EFCAB6: variants seen among roughly 807,000 people sequenced by gnomAD.
The protein encoded by EFCAB6 is EF-hand calcium-binding domain-containing protein 6.
Under a neutral mutation model 169.8 loss-of-function variants are expected in EFCAB6, and 156 were observed. The ratio of observed to expected loss-of-function variants is 0.92; its 90% CI spans 0.81 to 1.05. EFCAB6 has a LOEUF of 1.05. Among genes scored for constraint, EFCAB6 ranks in the 50% least tolerant of loss-of-function variants. The pLI is 0.00. For synonymous variants in EFCAB6, 698 were observed against 676.4 expected (o/e 1.03, Z -0.50); for missense variants, 1,800 against 1,829.1 (o/e 0.98, Z 0.29).
chr22:43,746,113 T>A (rs2060552547), intron 6 of EFCAB6, among the ~76,000 whole-genome samples: 1 of 152,058 alleles, frequency 6.6e-6, no homozygotes, highest in African/African-American at 2.4e-5. Flanking sequence ...AAACTTCCAA[T>A]CCGGGGACAA....
intron 16 of EFCAB6, 78 bp downstream of exon 16, chr22:43,668,794 T>A: frequency 7.8e-7 from 1 of 1,278,806 alleles, no homozygotes; most frequent in South Asian, 2.5e-5. Context: ...AATACTCAGT[T>A]GACAAATAGT....
intron 2 of EFCAB6, among the ~76,000 whole-genome samples, chr22:43,804,966 A>G (rs2062864833): frequency 6.6e-6 from 1 of 152,194 alleles, no homozygotes; most frequent in Admixed American, 6.5e-5. Context: ...TTATATTTAG[A>G]AAAAAACCAA....
Position 43,590,119 on chromosome 22 carries a change from C to T in EFCAB6, c.2987G>A (p.Cys996Tyr). ...CTCCCCTTCGGTAAGAGAACATCCACATTCTTCCAGCACTTCCTGCATCTT... is the reference window on the plus strand; with the variant it reads ...CTCCCCTTCGGTAAGAGAACATCCATATTCTTCCAGCACTTCCTGCATCTT... Reference protein sequence around the residue: ...ICKMQEVLEECGCSLTEGELT... With the variant: ...ICKMQEVLEEYGCSLTEGELT... Residue 996 changes from cysteine to tyrosine, a missense_variant, in exon 24 of 32, where the codon TGT (cysteine) becomes TAT (tyrosine). Coordinates refer to ENST00000262726, the MANE Select transcript of EFCAB6 (RefSeq NM_022785.4). 1 of 1,614,184 alleles carries T rather than the reference C, an allele frequency of 6.2e-7. No individual in the cohort carries two copies. The highest frequency in any genetic ancestry group is 1.1e-5 in the South Asian group (1 of 91,070).
rs139182657 is a variant in EFCAB6 at position 43,772,965 on chromosome 22, C to T, written c.278G>A (p.Ser93Asn). ...DTGQNLTVSK[S>N]ELRRIITDFL... ...GTCTGTGATGATTCTTCTCAGTTCACTTTTTGACACAGTCAAGTTCTGACC... is the reference window on the plus strand; with the variant it reads ...GTCTGTGATGATTCTTCTCAGTTCATTTTTTGACACAGTCAAGTTCTGACC... Residue 93 changes from serine to asparagine, a missense_variant, in exon 4 of 32, where the codon AGT becomes AAT. Ser to Asn is a conservative substitution (Grantham distance 46). Coordinates refer to ENST00000262726, the MANE Select transcript of EFCAB6 (RefSeq NM_022785.4). The T allele has an allele frequency of 2.7e-5, 43 of 1,614,092 alleles. No homozygotes were observed. The African/African-American group carries it at 5.5e-4, about 21-fold the overall frequency.
intron 3 of EFCAB6, among the ~76,000 whole-genome samples, chr22:43,773,408 T>A (rs1342567726): frequency 1.3e-5 from 2 of 152,196 alleles, no homozygotes; most frequent in African/African-American, 2.4e-5. Flanking sequence ...GAAAATTTAG[T>A]CAATATCATT....
rs756189747 is a variant in EFCAB6 at position 43,716,868 on chromosome 22, C to T, written c.862G>A (p.Glu288Lys). Residue 288 changes from glutamate (E) to lysine (K), a missense_variant, in exon 9 of 32, where the codon GAG (glutamate) becomes AAG (lysine). By Grantham distance (56) the Glu-to-Lys change is moderately conservative (BLOSUM62 1). Transcript: ENST00000262726. Reference sequence around the variant, plus strand: ...CTTACTTGTAGACAAAAGTTCCTCTCAATTTCATCCAAGGAGTAGTTTCTC... The same window carrying T: ...CTTACTTGTAGACAAAAGTTCCTCTTAATTTCATCCAAGGAGTAGTTTCTC... ...IWRNYSLDEIERNFCLQLSKS... is the reference protein window; with the variant it reads ...IWRNYSLDEIKRNFCLQLSKS... 6.2e-7 allele frequency: 1 copy of T among 1,603,784 alleles called. No individual in the cohort carries two copies. The highest frequency in any genetic ancestry group is 1.1e-5 in the South Asian group (1 of 88,212).
chr22:43,690,517 GAA>G (rs143792481), intron 10 of EFCAB6, among the ~76,000 whole-genome samples: 4 of 132,868 alleles, frequency 3.0e-5, no homozygotes. Context: ...CTCCGTCTCA[GAA>G]AAAAAAAAAA....
intron 17 of EFCAB6, among the ~76,000 whole-genome samples, chr22:43,637,231 G>A (rs1276495299): frequency 6.6e-6 from 1 of 152,214 alleles, no homozygotes; most frequent in Non-Finnish European, 1.5e-5. Flanking sequence ...AGGGTGAGGG[G>A]CTTTCTGCCC....
intron 2 of EFCAB6, among the ~76,000 whole-genome samples, chr22:43,804,629 T>C (rs972917025): frequency 6.6e-6 from 1 of 151,960 alleles, no homozygotes; most frequent in Non-Finnish European, 1.5e-5. Flanking sequence ...CTGGGAATGG[T>C]GGTGGCACGC....
intron 10 of EFCAB6, among the ~76,000 whole-genome samples, chr22:43,709,140 G>C (rs113575063): frequency 0.024 from 3,687 of 152,164 alleles, 134 homozygotes; most frequent in African/African-American, 0.085. Flanking sequence ...GGGGTGCAGT[G>C]GTGCAATCTT....
chr22:43,784,488 CA>C (rs113755588), intron 2 of EFCAB6, among the ~76,000 whole-genome samples: 2,441 of 63,328 alleles, frequency 0.039, 196 homozygotes, highest in East Asian at 0.083. Context: ...CTGTCTCTAC[CA>C]AAAAAAAAAA....
intron 17 of EFCAB6, among the ~76,000 whole-genome samples, chr22:43,643,005 A>G (rs1193596232): frequency 6.6e-6 from 1 of 152,200 alleles, no homozygotes; most frequent in Non-Finnish European, 1.5e-5. Context: ...ACACTTCTCA[A>G]GCACAGAGCC....
At chr22:43,800,238 G>A (rs898458382) in intron 2 of EFCAB6, among the ~76,000 whole-genome samples, 1 of 152,162 alleles carries the variant, frequency 6.6e-6, no homozygotes, top group African/African-American at 2.4e-5. Context: ...CATTCAGGAA[G>A]GTCAGCATTC....
Position 43,530,991 on chromosome 22 carries a change from G to A in EFCAB6, c.4234-27C>T, listed in dbSNP as rs747633660. ...TAGACACAAGACAAGAAGGGGTGAG[G>A]AGGGAGCTTTTGAACACGAGGGTTG... On this transcript the variant is annotated intron_variant, in intron 30 of 31. Transcript: ENST00000262726. 6 of 1,612,880 alleles carry A rather than the reference G, an allele frequency of 3.7e-6. No individual in the cohort carries two copies. In the African/African-American group the frequency reaches 4.0e-5, roughly 11 times the overall value.
intron 15 of EFCAB6, among the ~76,000 whole-genome samples, chr22:43,671,366 T>G (rs928400409): frequency 6.6e-6 from 1 of 152,092 alleles, no homozygotes; most frequent in African/African-American, 2.4e-5. Flanking sequence ...CATGCCTGGC[T>G]TAATTTTGTA....
intron 17 of EFCAB6, among the ~76,000 whole-genome samples, chr22:43,660,048 T>G (rs946874170): frequency 3.9e-5 from 6 of 152,166 alleles, no homozygotes; most frequent in Non-Finnish European, 7.3e-5. Context: ...AGGTGGGGTC[T>G]CCAGAGGTGG....
chr22:43,697,552 A>C (rs2058621285), intron 10 of EFCAB6, among the ~76,000 whole-genome samples: 2 of 152,040 alleles, frequency 1.3e-5, no homozygotes, highest in Non-Finnish European at 2.9e-5. Flanking sequence ...CATGGCTTTT[A>C]TAATCAGCAT....
chr22:43,540,347 A>G lies in EFCAB6; in HGVS notation c.3659T>C (p.Leu1220Pro). 2 of 1,614,134 alleles carry G rather than the reference A, an allele frequency of 1.2e-6. No homozygotes were observed. The highest frequency in any genetic ancestry group is 1.7e-6 in the Non-Finnish European group (2 of 1,180,040). ...QILTDEQFDR[L>P]WNEMPVNAKG... Reference sequence around the variant, plus strand: ...GGCATTGACTGGCATCTCGTTCCAGAGTCTGTCAAACTGGAGAAGGAGCAG... The same window carrying G: ...GGCATTGACTGGCATCTCGTTCCAGGGTCTGTCAAACTGGAGAAGGAGCAG... The change falls in exon 28 of 32, where the codon CTC becomes CCC. Residue 1220 changes from leucine (L) to proline (P), a missense_variant. Coordinates refer to ENST00000262726, the MANE Select transcript of EFCAB6 (RefSeq NM_022785.4).
At chr22:43,706,227 G>A (rs893101271) in intron 10 of EFCAB6, among the ~76,000 whole-genome samples, 6 of 152,126 alleles carry the variant, frequency 3.9e-5, no homozygotes, top group South Asian at 2.1e-4. Context: ...AACATACCAC[G>A]TGGGGCAGTC....
Sources: gnomAD v4.1 joint callset for allele counts (sites outside exome capture counted in the v4.1 genomes callset) on GRCh38, gnomAD v4.1.1 for gene constraint, MANE v1.5 for transcripts, NCBI Gene and HGNC (gene_info 2026-07-23, HGNC 2026-07-21) for gene names.